The following P2RY2 variants were observed in gnomAD, a reference collection of about 807,000 sequenced individuals.
The protein encoded by P2RY2 is P2Y purinoceptor 2.
For missense variants in P2RY2, 567 were observed against 515.7 expected, an observed-to-expected ratio of 1.10 and a Z score of -0.96; for synonymous variants, 241 against 231.9, an observed-to-expected ratio of 1.04 and a Z score of -0.35.
chr11:73,234,993 C>T lies in P2RY2; in HGVS notation c.834C>T (p.Cys278=), dbSNP rs1398861494. The T allele has an allele frequency of 6.2e-7, 1 of 1,609,516 alleles. No individual in the cohort carries two copies. ...CCTTCCGCTCGCTGGACCTCAGCTG[C>T]CACACCCTCAACGCCATCAACATGG... The part of the protein sequence containing the change: ...YYSFRSLDLS[C]HTLNAINMAY... The change falls in exon 3 of 3, where the codon TGC becomes TGT. Residue 278 remains cysteine (C), a synonymous_variant. Transcript: ENST00000393597.
intron 1 of P2RY2, among the ~76,000 whole-genome samples, chr11:73,227,631 G>A (rs1227779382): frequency 6.6e-6 from 1 of 152,192 alleles, no homozygotes; most frequent in Non-Finnish European, 1.5e-5. Flanking sequence ...AGAGGGTATT[G>A]ACTTTTCCTG....
rs544810850 is a variant in P2RY2 at position 73,236,339 on chromosome 11, A to G, written c.*1046A>G. 21 of 376,096 alleles carry G rather than the reference A, an allele frequency of 5.6e-5. No individual in the cohort carries two copies. The highest frequency in any genetic ancestry group is 7.7e-5 in the Non-Finnish European group (20 of 259,476). 23.3% of individuals were successfully genotyped at this position (376,096 alleles called of 1,614,324 possible). A position where few individuals can be genotyped will look rare whatever the true frequency, so the allele number is the denominator to read the frequency against. ...AATTCAAACTATAAACATGATGTCA[A>G]CTTCCTTGTAAAATTCCTGAAAATT... On this transcript the variant is annotated 3_prime_UTR_variant, in exon 3 of 3. Coordinates refer to ENST00000393597, the MANE Select transcript of P2RY2 (RefSeq NM_002564.4).
Position 73,235,517 on chromosome 11 carries a change from A to C in P2RY2, c.*224A>C. 2.4e-6 allele frequency: 3 copies of C among 1,275,810 alleles called. No individual in the cohort carries two copies. In the South Asian group the frequency reaches 9.6e-5, roughly 41 times the overall value. 79.0% of individuals were successfully genotyped at this position (1,275,810 alleles called of 1,614,324 possible). A position where few individuals can be genotyped will look rare whatever the true frequency, so the allele number is the denominator to read the frequency against. Reference sequence around the variant, plus strand: ...TTGTGTGTATAAGTTGGGGGAATTAAGTTTCAAGAAAGGCAAGAGCTCAAG... The same window carrying C: ...TTGTGTGTATAAGTTGGGGGAATTACGTTTCAAGAAAGGCAAGAGCTCAAG... On this transcript the variant is annotated 3_prime_UTR_variant, in exon 3 of 3. Coordinates refer to ENST00000393597, the MANE Select transcript of P2RY2 (RefSeq NM_002564.4).
Position 73,234,321 on chromosome 11 carries a change from G to A in P2RY2, c.162G>A (p.Ala54=), listed in dbSNP as rs144380076. The change falls in exon 3 of 3, where the codon GCG becomes GCA. Residue 54 remains alanine (A), a synonymous_variant. Coordinates refer to ENST00000393597, the MANE Select transcript of P2RY2 (RefSeq NM_002564.4). ...CTGGGCTGTGTCTGAACGCCGTGGCGCTCTACATCTTCTTGTGCCGCCTCA... is the reference window on the plus strand; with the variant it reads ...CTGGGCTGTGTCTGAACGCCGTGGCACTCTACATCTTCTTGTGCCGCCTCA... ...CVPGLCLNAV[A]LYIFLCRLKT... 10 of 1,613,810 alleles carry A rather than the reference G, an allele frequency of 6.2e-6. 1 individual carries two copies. The East Asian group carries it at 6.7e-5, about 11-fold the overall frequency.
Position 73,235,090 on chromosome 11 carries a change from C to A in P2RY2, c.931C>A (p.Gln311Lys), listed in dbSNP as rs757356416. ...LDPVLYFLAG[Q>K]RLVRFARDAK... ...CCCCGTGCTCTACTTCCTGGCTGGG[C>A]AGAGGCTCGTACGCTTTGCCCGAGA... The change falls in exon 3 of 3, where the codon CAG (glutamine) becomes AAG (lysine). Residue 311 changes from glutamine to lysine, a missense_variant. Coordinates refer to ENST00000393597, the MANE Select transcript of P2RY2 (RefSeq NM_002564.4). The A allele has an allele frequency of 5.6e-6, 9 of 1,607,502 alleles. No homozygotes were observed. The East Asian group carries it at 1.8e-4, about 32-fold the overall frequency.
Position 73,238,735 on chromosome 11 carries a change from G to A in P2RY2, c.*3442G>A, listed in dbSNP as rs997446063. Among the ~76,000 whole-genome samples the A allele has an allele frequency of 6.6e-6, 1 of 152,236 alleles. No homozygotes were observed. Among genetic ancestry groups the A allele is most frequent in the Non-Finnish European group, 1.5e-5 (1 of 68,048 alleles). ...GTGAGGACTTGTTCCAGGTTATCCA[G>A]GCTGTCAGGGTGAGTCAGAGTGAGT... On this transcript the variant is annotated 3_prime_UTR_variant, in exon 3 of 3. Transcript: ENST00000393597.
Position 73,234,888 on chromosome 11 carries a change from C to G in P2RY2, c.729C>G (p.Ser243=), listed in dbSNP as rs147365525. ...SGGLPRAKRK[S]VRTIAVVLAV... is the part of the protein sequence containing the mutation. ...GCCTGCCTAGGGCCAAGCGCAAGTC[C>G]GTGCGCACCATCGCCGTGGTGCTGG... The change falls in exon 3 of 3, where the codon TCC becomes TCG. Residue 243 remains serine (S), a synonymous_variant. Coordinates refer to ENST00000393597, the MANE Select transcript of P2RY2 (RefSeq NM_002564.4). 167 of 1,610,768 alleles carry G rather than the reference C, an allele frequency of 1.0e-4. No homozygotes were observed. Among genetic ancestry groups the G allele is most frequent in the Admixed American group, 6.0e-4 (36 of 60,034 alleles).
intron 2 of P2RY2, 197 bp from the exon 3 acceptor site, chr11:73,233,958 CT>C (rs1423834677): frequency 2.8e-5 from 18 of 640,198 alleles, no homozygotes; most frequent in East Asian, 5.6e-5. Context: ...TTGTCTACCC[CT>C]GTTCTCAAGT....
chr11:73,233,608 T>C (rs1411348175), intron 2 of P2RY2, among the ~76,000 whole-genome samples: 1 of 152,196 alleles, frequency 6.6e-6, no homozygotes, highest in Non-Finnish European at 1.5e-5. Flanking sequence ...TAGAGAGGGG[T>C]AAGAAAACTT....
chr11:73,235,379 A>G lies in P2RY2; in HGVS notation c.*86A>G. ...TGCAGACGCCACAGTCTCCCCAGAT[A>G]TGGACCATCAGTGACTCATGCTGGA... On this transcript the variant is annotated 3_prime_UTR_variant, in exon 3 of 3. Coordinates refer to ENST00000393597, the MANE Select transcript of P2RY2 (RefSeq NM_002564.4). 3 of 1,500,354 alleles carry G rather than the reference A, an allele frequency of 2.0e-6. No individual in the cohort carries two copies. Among genetic ancestry groups the G allele is most frequent in the African/African-American group, 1.4e-5 (1 of 71,546 alleles). The allele number at this position is 1,500,354 out of a possible 1,614,324, so 92.9% of individuals were successfully genotyped here. A position where few individuals can be genotyped will look rare whatever the true frequency, so the allele number is the denominator to read the frequency against.
In P2RY2 at chr11:73,235,833, T is replaced by A. The variant is rs191944274; in HGVS notation, c.*540T>A. Reference sequence around the variant, plus strand: ...TGAGGAGTACCCCCAGCCCAAGAGATGAACATCTGGGGACTAATATCATAG... The same window carrying A: ...TGAGGAGTACCCCCAGCCCAAGAGAAGAACATCTGGGGACTAATATCATAG... On this transcript the variant is annotated 3_prime_UTR_variant, in exon 3 of 3. Coordinates refer to ENST00000393597, the MANE Select transcript of P2RY2 (RefSeq NM_002564.4). The A allele has an allele frequency of 5.7e-4, 574 of 1,000,800 alleles. No individual in the cohort carries two copies. The African/African-American group carries it at 9.3e-3, about 16-fold the overall frequency. 62.0% of individuals were successfully genotyped at this position (1,000,800 alleles called of 1,614,324 possible).
At chr11:73,220,091 G>A (rs2135627278) in intron 1 of P2RY2, among the ~76,000 whole-genome samples, 2 of 152,340 alleles carry the variant, frequency 1.3e-5, no homozygotes, top group South Asian at 4.1e-4. Context: ...GAGCAGCAGT[G>A]GCGCCCATCC....
At chr11:73,223,176 C>G (rs1322136128) in intron 1 of P2RY2, among the ~76,000 whole-genome samples, 5 of 152,226 alleles carry the variant, frequency 3.3e-5, no homozygotes, top group Non-Finnish European at 7.3e-5. Context: ...AACTCAGAAT[C>G]CTGGAGGTAC....
At position 73,221,618 on chromosome 11, in the gene P2RY2, A is replaced by G. The variant is rs920321627; in HGVS notation, c.-200+3186A>G. On this transcript the variant is annotated intron_variant, in intron 1 of 2. Coordinates refer to ENST00000393597, the MANE Select transcript of P2RY2 (RefSeq NM_002564.4). Reference sequence around the variant, plus strand: ...GTGGGGGTTGCCCCTCATGCCTTCCACCCAAACCGCCTCTCCCCAAACTGC... The same window carrying G: ...GTGGGGGTTGCCCCTCATGCCTTCCGCCCAAACCGCCTCTCCCCAAACTGC... 4.0e-5 allele frequency among the ~76,000 whole-genome samples: 6 copies of G among 151,828 alleles called. No homozygotes were observed. The East Asian group carries it at 1.2e-3, about 29-fold the overall frequency.
intron 1 of P2RY2, among the ~76,000 whole-genome samples, chr11:73,222,526 G>A (rs1471748825): frequency 1.3e-5 from 2 of 152,122 alleles, no homozygotes; most frequent in African/African-American, 2.4e-5. Context: ...TTTTCAGCCT[G>A]GCATTTGAGC....
intron 1 of P2RY2, among the ~76,000 whole-genome samples, chr11:73,223,380 C>G (rs1862176502): frequency 1.7e-5 from 1 of 57,374 alleles, no homozygotes; most frequent in South Asian, 6.0e-4. Flanking sequence ...TGTCCCTCTG[C>G]TGGGGAACAC....
At chr11:73,222,231 G>GGGTGTCGACCTGGCTTCC (rs1862139545) in intron 1 of P2RY2, among the ~76,000 whole-genome samples, 2 of 152,114 alleles carry the variant, frequency 1.3e-5, no homozygotes, top group Non-Finnish European at 2.9e-5. Context: ...GAGAGCCTCT[G>GGGTGTCGACCTGGCTTCC]GGTGTCGACC....
In P2RY2 at chr11:73,234,923, C is replaced by G; in HGVS notation, c.764C>G (p.Ala255Gly). 1 of 1,610,960 alleles carries G rather than the reference C, an allele frequency of 6.2e-7. No individual in the cohort carries two copies. The highest frequency in any genetic ancestry group is 8.5e-7 in the Non-Finnish European group (1 of 1,179,994). ...ATCGCCGTGGTGCTGGCTGTCTTCG[C>G]CCTCTGCTTCCTGCCATTCCACGTC... ...RTIAVVLAVFALCFLPFHVTR... is the reference protein window; with the variant it reads ...RTIAVVLAVFGLCFLPFHVTR... Residue 255 changes from alanine (A) to glycine (G), a missense_variant, in exon 3 of 3, where the codon GCC becomes GGC. Coordinates refer to ENST00000393597, the MANE Select transcript of P2RY2 (RefSeq NM_002564.4).
chr11:73,220,822 G>T (rs498145), intron 1 of P2RY2, among the ~76,000 whole-genome samples: 1 of 151,990 alleles, frequency 6.6e-6, no homozygotes, highest in Non-Finnish European at 1.5e-5. Context: ...TCTCCCTCCT[G>T]CCCTGGATGC....
Sources: gnomAD v4.1 joint callset for allele counts (sites outside exome capture counted in the v4.1 genomes callset) on GRCh38, gnomAD v4.1.1 for gene constraint, MANE v1.5 for transcripts, NCBI Gene and HGNC (gene_info 2026-07-23, HGNC 2026-07-21) for gene names.